The following PTCD1 variants were observed in gnomAD, a reference collection of about 807,000 sequenced individuals.
The protein encoded by PTCD1 is pentatricopeptide repeat-containing protein 1, mitochondrial.
Under a neutral mutation model 53.4 loss-of-function variants are expected in PTCD1, and 50 were observed. That is an observed-to-expected ratio of 0.94 (90% CI 0.75 to 1.19). The LOEUF (loss-of-function observed/expected upper bound fraction) is 1.19, where lower values mean the gene tolerates loss of function less well. PTCD1 is among the 50% of genes most tolerant of loss of function. The probability of loss-of-function intolerance (pLI) is 0.00; values close to 1 mark genes in which losing one functional copy is unlikely to be tolerated. For synonymous variants in PTCD1, 413 were observed against 394.8 expected (o/e 1.05, Z -0.55); for missense variants, 918 against 904.8 (o/e 1.01, Z -0.19).
At chr7:99,432,205 A>G (rs566914284) in intron 3 of PTCD1, among the ~76,000 whole-genome samples, 1 of 152,202 alleles carries the variant, frequency 6.6e-6, no homozygotes, top group Admixed American at 6.5e-5. Context: ...TGTGCTGAGG[A>G]GGGTTAGTGA....
rs1795630593 is a variant in PTCD1 at position 99,418,442 on chromosome 7, C to G, written c.*1525G>C. On this transcript the variant is annotated 3_prime_UTR_variant, in exon 8 of 8. Coordinates refer to ENST00000292478, the MANE Select transcript of PTCD1 (RefSeq NM_015545.4). ...GGCCGCTCAGTGCAGCCCCTCAGCACAGTTGTTGGCCCCACCGCCCATCTG... is the reference window on the plus strand; with the variant it reads ...GGCCGCTCAGTGCAGCCCCTCAGCAGAGTTGTTGGCCCCACCGCCCATCTG... The G allele has an allele frequency of 6.5e-6, 1 of 153,418 alleles. No individual in the cohort carries two copies. Among genetic ancestry groups the G allele is most frequent in the African/African-American group, 2.4e-5 (1 of 41,472 alleles). The allele number at this position is 153,418 out of a possible 1,614,324, so 9.5% of individuals were successfully genotyped here. A position where few individuals can be genotyped will look rare whatever the true frequency, so the allele number is the denominator to read the frequency against.
At chr7:99,429,026 G>C in intron 5 of PTCD1, 77 bp downstream of exon 5, 1 of 1,505,322 alleles carries the variant, frequency 6.6e-7, no homozygotes, top group Non-Finnish European at 9.2e-7. Context: ...GGGCCATCGT[G>C]GGTGCTCACA....
In PTCD1 at chr7:99,424,865, T is replaced by C; in HGVS notation, c.1667A>G (p.Gln556Arg). The C allele has an allele frequency of 6.2e-7, 1 of 1,614,244 alleles. No homozygotes were observed. Among genetic ancestry groups the C allele is most frequent in the South Asian group, 1.1e-5 (1 of 91,090 alleles). Residue 556 changes from glutamine (Q) to arginine (R), a missense_variant, in exon 6 of 8, where the codon CAG becomes CGG. Physicochemically the swap from Gln to Arg is conservative, Grantham distance 43. Coordinates refer to ENST00000292478, the MANE Select transcript of PTCD1 (RefSeq NM_015545.4). Reference sequence around the variant, plus strand: ...CCCGATGGCCAGGTTGCAGAATGTCTGCAGGTTGGGGACGAGGCCCCTCTT... The same window carrying C: ...CCCGATGGCCAGGTTGCAGAATGTCCGCAGGTTGGGGACGAGGCCCCTCTT... ...LAKRGLVPNLQTFCNLAIGCH... is the reference protein window; with the variant it reads ...LAKRGLVPNLRTFCNLAIGCH...
intron 7 of PTCD1, among the ~76,000 whole-genome samples, chr7:99,422,242 T>C (rs1184379249): frequency 6.6e-6 from 1 of 152,204 alleles, no homozygotes; most frequent in East Asian, 1.9e-4. Flanking sequence ...GCCCTCAAAA[T>C]GGCATTCAGG....
At position 99,420,018 on chromosome 7, in the gene PTCD1, G is replaced by T. The variant is rs199687544; in HGVS notation, c.2052C>A (p.Asp684Glu). 1.7e-4 allele frequency: 269 copies of T among 1,614,102 alleles called. 1 individual carries two copies. The highest frequency in any genetic ancestry group is 8.5e-6 in the Non-Finnish European group (10 of 1,180,032). The change falls in exon 8 of 8, where the codon GAC (aspartate) becomes GAA (glutamate). Residue 684 changes from aspartate (D) to glutamate (E), a missense_variant. By Grantham distance (45) the Asp-to-Glu change is conservative. Coordinates refer to ENST00000292478, the MANE Select transcript of PTCD1 (RefSeq NM_015545.4). ...WQKFRTKPQG[D>E]QDTGKEADDG... Reference sequence around the variant, plus strand: ...CATCAGCCTCCTTGCCGGTGTCCTGGTCCCCCTGGGGCTTGGTCCGGAACT... The same window carrying T: ...CATCAGCCTCCTTGCCGGTGTCCTGTTCCCCCTGGGGCTTGGTCCGGAACT...
In PTCD1 at chr7:99,423,656, T is replaced by G. The variant is rs1260565255; in HGVS notation, c.1920+119A>C. On this transcript the variant is annotated intron_variant, in intron 7 of 7. Coordinates refer to ENST00000292478, the MANE Select transcript of PTCD1 (RefSeq NM_015545.4). ...CTTGGGTACTGCTCCTAAGGGAAGC[T>G]GCTGGACAGTTTCAAGCATGGCAAC... 2.0e-5 allele frequency: 30 copies of G among 1,534,194 alleles called. No homozygotes were observed. In the Admixed American group the frequency reaches 3.4e-4, roughly 17 times the overall value.
rs771084548 is a variant in PTCD1 at position 99,425,543 on chromosome 7, C to G, written c.989G>C (p.Arg330Pro). 7 of 1,612,586 alleles carry G rather than the reference C, an allele frequency of 4.3e-6. No individual in the cohort carries two copies. Among genetic ancestry groups the G allele is most frequent in the South Asian group, 2.2e-5 (2 of 91,048 alleles). The change falls in exon 6 of 8, where the codon CGG becomes CCG. Residue 330 changes from arginine to proline, a missense_variant. Physicochemically the swap from Arg to Pro is moderately radical, Grantham distance 103. Transcript: ENST00000292478. ...DSYNLLLVAA[R>P]DCGLGDPQVA... ...CTGGGGGTCCCCTAGGCCACAGTCCCGAGCTGCCACCAACAGCAGGTTGTA... is the reference window on the plus strand; with the variant it reads ...CTGGGGGTCCCCTAGGCCACAGTCCGGAGCTGCCACCAACAGCAGGTTGTA...
intron 3 of PTCD1, among the ~76,000 whole-genome samples, chr7:99,432,397 ATGT>A (rs962914739): frequency 6.6e-6 from 1 of 152,148 alleles, no homozygotes; most frequent in African/African-American, 2.4e-5. Flanking sequence ...GATGCACGAG[ATGT>A]TGTGTAGGTG....
chr7:99,438,433 C>T (rs1796582181), intron 1 of PTCD1: 1 of 885,670 alleles, frequency 1.1e-6, no homozygotes, highest in Admixed American at 6.0e-5. Context: ...CCCCTGTACT[C>T]CAGCCTGGGC....
intron 7 of PTCD1, among the ~76,000 whole-genome samples, chr7:99,420,929 A>G (rs533207780): frequency 1.3e-5 from 2 of 152,276 alleles, no homozygotes; most frequent in East Asian, 1.9e-4. Flanking sequence ...CCTGGGCGAC[A>G]GAGCAAGACT....
At position 99,419,975 on chromosome 7, in the gene PTCD1, C is replaced by T. The variant is rs1795725281; in HGVS notation, c.2095G>A (p.Gly699Ser). 7 of 1,614,232 alleles carry T rather than the reference C, an allele frequency of 4.3e-6. No individual in the cohort carries two copies. The East Asian group carries it at 1.6e-4, about 36-fold the overall frequency. The change falls in exon 8 of 8, where the codon GGC becomes AGC. Residue 699 changes from glycine (G) to serine (S), a missense_variant. Physicochemically the swap from Gly to Ser is moderately conservative, Grantham distance 56. Transcript: ENST00000292478. ...TTCCAGCTGTGCTCCCATCACCTGC[C>T]CCCAAGGGCACATCCGTCATCAGCC... Reference protein sequence around the residue: ...KEADDGCALGGR With the variant: ...KEADDGCALGSR
Position 99,417,418 on chromosome 7 carries a change from C to G in PTCD1, c.*2549G>C, listed in dbSNP as rs781370378. On this transcript the variant is annotated 3_prime_UTR_variant, in exon 8 of 8. Transcript: ENST00000292478. ...CCATGGCCTGATGCTCTTTCCCCAT[C>G]TTTTTGACAGAACTCTATGAATATT... is the stretch of plus-strand genomic sequence containing the variant. The G allele has an allele frequency of 6.2e-7, 1 of 1,613,458 alleles. No homozygotes were observed. Among genetic ancestry groups the G allele is most frequent in the East Asian group, 2.2e-5 (1 of 44,890 alleles).
rs749833988 is a variant in PTCD1, at chr7:99,425,142, G to A, written c.1390C>T (p.Arg464Trp). 26 of 1,613,866 alleles carry A rather than the reference G, an allele frequency of 1.6e-5. No homozygotes were observed. Among genetic ancestry groups the A allele is most frequent in the African/African-American group, 2.7e-5 (2 of 74,918 alleles). ...SFGTVTTPAD[R>W]LALIGGLEGF... is the part of the protein sequence containing the mutation. Reference sequence around the variant, plus strand: ...TCCAGGCCCCCTATCAAGGCCAGCCGGTCAGCTGGGGTGGTCACCGTTCCA... The same window carrying A: ...TCCAGGCCCCCTATCAAGGCCAGCCAGTCAGCTGGGGTGGTCACCGTTCCA... Residue 464 changes from arginine (R) to tryptophan (W), a missense_variant, in exon 6 of 8, where the codon CGG becomes TGG. Arg to Trp is a moderately radical substitution (Grantham distance 101, BLOSUM62 -3). Coordinates refer to ENST00000292478, the MANE Select transcript of PTCD1 (RefSeq NM_015545.4).
chr7:99,423,450 A>T (rs1795904176), intron 7 of PTCD1, among the ~76,000 whole-genome samples: 1 of 152,282 alleles, frequency 6.6e-6, no homozygotes, highest in Middle Eastern at 3.4e-3. Context: ...ACTTAAGCAG[A>T]GACCTCCAGG....
chr7:99,430,003 C>A (rs990112034), intron 3 of PTCD1, among the ~76,000 whole-genome samples, 197 bp from the exon 4 acceptor site: 22 of 152,184 alleles, frequency 1.4e-4, no homozygotes, highest in African/African-American at 3.9e-4. Flanking sequence ...AAAACTGAGC[C>A]CACACACCCA....
intron 7 of PTCD1, among the ~76,000 whole-genome samples, chr7:99,421,580 T>TAAA (rs1255958525): frequency 7.9e-6 from 1 of 126,664 alleles, no homozygotes; most frequent in African/African-American, 2.8e-5. Flanking sequence ...CCGTCTCTAC[T>TAAA]AAAAAAAAAA....
At chr7:99,428,997 T>C (rs1371055610) in intron 5 of PTCD1, 106 bp downstream of exon 5, 10 of 1,333,748 alleles carry the variant, frequency 7.5e-6, no homozygotes, top group Admixed American at 3.4e-5. Flanking sequence ...AGAGCACAGA[T>C]ATAAAAATAC....
intron 1 of PTCD1, among the ~76,000 whole-genome samples, chr7:99,436,715 G>A (rs950579903): frequency 6.6e-5 from 10 of 152,214 alleles, no homozygotes; most frequent in African/African-American, 2.2e-4. Context: ...GCCAGCTTGG[G>A]CTGGGCTGGC....
rs377304426 is a variant in PTCD1, at chr7:99,436,616, AAAC to A, written c.-26-1351_-26-1349del. ...AGCGACAGAGCAAGACTCCATCTCA[AAAC>A]AACAACAACAACAACAAACAAAAAA... On this transcript the variant is annotated intron_variant, in intron 1 of 7. Coordinates refer to ENST00000292478, the MANE Select transcript of PTCD1 (RefSeq NM_015545.4). Among the ~76,000 whole-genome samples the A allele has an allele frequency of 6.4e-3, 966 of 152,098 alleles. 12 individuals carry two copies. Among genetic ancestry groups the A allele is most frequent in the African/African-American group, 0.021 (856 of 41,480 alleles).
Sources: gnomAD v4.1 joint callset for allele counts (sites outside exome capture counted in the v4.1 genomes callset) on GRCh38, gnomAD v4.1.1 for gene constraint, MANE v1.5 for transcripts, NCBI Gene and HGNC (gene_info 2026-07-23, HGNC 2026-07-21) for gene names.